Variants in MCOLN2 observed in about 807,000 individuals in gnomAD.
MCOLN2 encodes mucolipin-2.
In MCOLN2, 57 loss-of-function variants were observed where a neutral mutation model predicts 67.5. The ratio of observed to expected loss-of-function variants is 0.84; its 90% CI spans 0.68 to 1.05. The LOEUF (loss-of-function observed/expected upper bound fraction) is 1.05. Ranked by LOEUF, MCOLN2 falls within the 50% of genes least tolerant of loss-of-function variation. MCOLN2 has a pLI of 0.00. For missense variants in MCOLN2, 620 were observed against 678.8 expected, an observed-to-expected ratio of 0.91 and a Z score of 0.96; for synonymous variants, 246 against 233.3, an observed-to-expected ratio of 1.05 and a Z score of -0.50.
chr1:84,982,811 T>A (rs1650322451), intron 1 of MCOLN2, among the ~76,000 whole-genome samples: 1 of 152,198 alleles, frequency 6.6e-6, no homozygotes, highest in African/African-American at 2.4e-5. Flanking sequence ...CAAGCAATTA[T>A]CCTGCCTCAG....
Position 84,931,488 on chromosome 1 carries a change from G to C in MCOLN2, c.1416C>G (p.Ile472Met), listed in dbSNP as rs763657545. The change falls in exon 12 of 14, where the codon ATC (isoleucine) becomes ATG (methionine). Residue 472 changes from isoleucine to methionine, a missense_variant. Coordinates refer to ENST00000370608, the MANE Select transcript of MCOLN2 (RefSeq NM_153259.4). Reference protein sequence around the residue: ...GDDMFATFAQIQQKSILVWLF... With the variant: ...GDDMFATFAQMQQKSILVWLF... The stretch of plus-strand genomic sequence containing the variant: ...GCCACACCAAGATGCTCTTCTGCTG[G>C]ATTTGGGCAAAGGTTGCAAACATGT... 5.6e-6 allele frequency: 9 copies of C among 1,613,848 alleles called. No homozygotes were observed. The highest frequency in any genetic ancestry group is 1.6e-4 in the Middle Eastern group (1 of 6,084).
intron 2 of MCOLN2, among the ~76,000 whole-genome samples, chr1:84,960,317 G>C (rs1649020662): frequency 6.6e-6 from 1 of 152,136 alleles, no homozygotes; most frequent in Non-Finnish European, 1.5e-5. Flanking sequence ...TCATTAAATT[G>C]CCCAAGTCAC....
intron 1 of MCOLN2, 102 bp from the exon 2 acceptor site, chr1:84,965,810 T>A: frequency 1.0e-6 from 1 of 986,872 alleles, no homozygotes; most frequent in Admixed American, 2.7e-5. Flanking sequence ...ATATGGCATG[T>A]CATATACTGA....
At chr1:84,964,718 G>A (rs149333908) in intron 2 of MCOLN2, among the ~76,000 whole-genome samples, 14 of 152,256 alleles carry the variant, frequency 9.2e-5, no homozygotes, top group African/African-American at 3.4e-4. Context: ...GGGAGACAGT[G>A]ACAGATCATC....
chr1:84,981,952 A>G (rs1028689955), intron 1 of MCOLN2, among the ~76,000 whole-genome samples: 5 of 49,726 alleles, frequency 1.0e-4, no homozygotes, highest in African/African-American at 2.5e-4. Context: ...ATGTACCCAC[A>G]AAAATTAAAA....
chr1:84,962,780 T>G (rs1649159751), intron 2 of MCOLN2, among the ~76,000 whole-genome samples: 1 of 152,172 alleles, frequency 6.6e-6, no homozygotes, highest in Non-Finnish European at 1.5e-5. Context: ...GAAAACTTGT[T>G]GGAAAGACAA....
At chr1:84,947,177 A>G (rs1262292383) in intron 6 of MCOLN2, 45 bp from the exon 7 acceptor site, 3 of 957,810 alleles carry the variant, frequency 3.1e-6, no homozygotes, top group Non-Finnish European at 3.4e-6. Context: ...AGAAGAAAGT[A>G]TAACATGTTA....
intron 1 of MCOLN2, among the ~76,000 whole-genome samples, chr1:84,988,285 C>CT (rs2102889745): frequency 6.6e-6 from 1 of 152,096 alleles, no homozygotes; most frequent in South Asian, 2.1e-4. Context: ...CTCTTGGACT[C>CT]AAGCAATCCT....
chr1:84,993,152 T>C (rs1650976205), intron 1 of MCOLN2, among the ~76,000 whole-genome samples: 1 of 152,206 alleles, frequency 6.6e-6, no homozygotes, highest in South Asian at 2.1e-4. Context: ...TCACCAAGAG[T>C]AGATTCCATC....
intron 7 of MCOLN2, among the ~76,000 whole-genome samples, chr1:84,941,267 T>C (rs994443474): frequency 2.6e-5 from 4 of 151,908 alleles, no homozygotes; most frequent in East Asian, 1.9e-4. Flanking sequence ...GAGGCTGAGG[T>C]GGGCGGATCA....
At chr1:84,930,925 T>G in intron 12 of MCOLN2, among the ~76,000 whole-genome samples, 1 of 152,074 alleles carries the variant, frequency 6.6e-6, no homozygotes, top group East Asian at 1.9e-4. Context: ...AAGCCTTAGT[T>G]TTCATAATTT....
chr1:84,956,639 G>A, intron 3 of MCOLN2, 55 bp from the exon 4 acceptor site: 1 of 1,426,190 alleles, frequency 7.0e-7, no homozygotes, highest in Non-Finnish European at 9.5e-7. Context: ...ACTTTGATCA[G>A]AGGTTATAGC....
chr1:84,987,628 GTA>G (rs1283340383), intron 1 of MCOLN2, among the ~76,000 whole-genome samples: 1 of 99,560 alleles, frequency 1.0e-5, no homozygotes, highest in South Asian at 3.2e-4. Flanking sequence ...ATATACATAT[GTA>G]TATATGTATA....
chr1:84,995,618 G>T (rs1445865478), intron 1 of MCOLN2, among the ~76,000 whole-genome samples: 1 of 151,862 alleles, frequency 6.6e-6, no homozygotes, highest in African/African-American at 2.4e-5. Context: ...CTCTTTTTCC[G>T]CCGGTTTTAA....
At chr1:84,994,722 C>T (rs1651062815) in intron 1 of MCOLN2, among the ~76,000 whole-genome samples, 1 of 152,186 alleles carries the variant, frequency 6.6e-6, no homozygotes, top group Non-Finnish European at 1.5e-5. Flanking sequence ...AAACTTTCTC[C>T]ATAACAGCAA....
At position 84,996,886 on chromosome 1, in the gene MCOLN2, A is replaced by G; in HGVS notation, c.-14T>C. ...CTGCCGGGCCATGCCTCCTCCTTCA[A>G]AACTTTCCAGGGCTCTCGGGATTCG... On this transcript the variant is annotated 5_prime_UTR_variant, in exon 1 of 14. Coordinates refer to ENST00000370608, the MANE Select transcript of MCOLN2 (RefSeq NM_153259.4). 6.2e-7 allele frequency: 1 copy of G among 1,613,424 alleles called. No homozygotes were observed.
chr1:84,949,165 C>T (rs1441380043), intron 6 of MCOLN2, among the ~76,000 whole-genome samples: 1 of 152,144 alleles, frequency 6.6e-6, no homozygotes, highest in Non-Finnish European at 1.5e-5. Flanking sequence ...AAAAGAATTT[C>T]TGAACTTGAA....
At chr1:84,946,020 A>G (rs1326267963) in intron 7 of MCOLN2, among the ~76,000 whole-genome samples, 2 of 152,176 alleles carry the variant, frequency 1.3e-5, no homozygotes, top group African/African-American at 4.8e-5. Flanking sequence ...AAGTGCTGGG[A>G]TTACAGGTGT....
chr1:84,971,691 A>G (rs1035190096), intron 1 of MCOLN2, among the ~76,000 whole-genome samples: 1 of 152,210 alleles, frequency 6.6e-6, no homozygotes, highest in East Asian at 1.9e-4. Flanking sequence ...TTTACCCTAT[A>G]TACCTTGCAA....
Sources: gnomAD v4.1 joint callset for allele counts (sites outside exome capture counted in the v4.1 genomes callset) on GRCh38, gnomAD v4.1.1 for gene constraint, MANE v1.5 for transcripts, NCBI Gene and HGNC (gene_info 2026-07-23, HGNC 2026-07-21) for gene names.